The following ADGRL3 variants were observed in gnomAD, a reference collection of about 807,000 sequenced individuals.
The protein encoded by ADGRL3 is adhesion G protein-coupled receptor L3.
ADGRL3 carries 62 observed loss-of-function variants against 153.5 expected under a neutral mutation model. That is an observed-to-expected ratio of 0.40 (90% CI 0.33 to 0.50). The LOEUF is 0.50. ADGRL3 is among the 20% of genes least tolerant of loss of function. The probability of loss-of-function intolerance (pLI) is 0.47; values close to 1 mark genes in which losing one functional copy is unlikely to be tolerated. For missense variants in ADGRL3, 1,641 were observed against 1,859.4 expected (o/e 0.88, Z 2.16); for synonymous variants, 710 against 672.5 (o/e 1.06, Z -0.86).
chr4:61,907,735 A>C, intron 11 of ADGRL3, among the ~76,000 whole-genome samples: 1 of 152,112 alleles, frequency 6.6e-6, no homozygotes. Flanking sequence ...CTTAATTGCT[A>C]TATTTTGCAA....
At chr4:61,592,073 C>CA (rs34116654) in intron 5 of ADGRL3, among the ~76,000 whole-genome samples, 11,049 of 123,608 alleles carry the variant, frequency 0.089, 563 homozygotes, top group Non-Finnish European at 0.1. Flanking sequence ...GAAACTGCTT[C>CA]AAAAAAAAAA....
At chr4:62,018,593 A>G (rs1456679316) in intron 21 of ADGRL3, among the ~76,000 whole-genome samples, 3 of 151,590 alleles carry the variant, frequency 2.0e-5, no homozygotes, top group Non-Finnish European at 4.4e-5. Context: ...AGAAATGAGG[A>G]AGAGAGAGAG....
chr4:61,977,273 A>G (rs965165596), intron 17 of ADGRL3, among the ~76,000 whole-genome samples: 2 of 144,236 alleles, frequency 1.4e-5, no homozygotes, highest in African/African-American at 2.6e-5. Flanking sequence ...AGATGGTGTT[A>G]TACCTGCCAT....
chr4:61,401,254 T>C (rs1407735106), intron 2 of ADGRL3, among the ~76,000 whole-genome samples: 1 of 151,828 alleles, frequency 6.6e-6, no homozygotes, highest in Non-Finnish European at 1.5e-5. Flanking sequence ...ATTCAGGGTG[T>C]GGTAGAATAC....
rs576965309 is a variant in ADGRL3 at position 62,036,279 on chromosome 4, C to T, written c.3592-1452C>T. Among the ~76,000 whole-genome samples the T allele has an allele frequency of 9.7e-4, 148 of 151,884 alleles. 1 individual carries two copies. The highest frequency in any genetic ancestry group is 3.5e-3 in the African/African-American group (145 of 41,452). On this transcript the variant is annotated intron_variant, in intron 23 of 26. Transcript: ENST00000683033. ...GAGAATGCCTTTTTCTCCTCTTTTCCCCTGTCCTTTATTTCAACTTCACTC... is the reference window on the plus strand; with the variant it reads ...GAGAATGCCTTTTTCTCCTCTTTTCTCCTGTCCTTTATTTCAACTTCACTC...
At chr4:61,880,131 C>T (rs985000222) in intron 9 of ADGRL3, among the ~76,000 whole-genome samples, 1 of 152,158 alleles carries the variant, frequency 6.6e-6, no homozygotes, top group Non-Finnish European at 1.5e-5. Context: ...AGTCCTCAAC[C>T]TACAGACTAA....
chr4:61,287,683 T>C (rs1225106877), intron 1 of ADGRL3, among the ~76,000 whole-genome samples: 2 of 151,858 alleles, frequency 1.3e-5, no homozygotes, highest in Non-Finnish European at 2.9e-5. Context: ...AGTCCCAGGA[T>C]TCATATTATT....
intron 1 of ADGRL3, among the ~76,000 whole-genome samples, chr4:61,372,018 G>A (rs1050962918): frequency 6.6e-6 from 1 of 152,064 alleles, no homozygotes; most frequent in African/African-American, 2.4e-5. Flanking sequence ...CCAGTTGATG[G>A]TATCGGCTCC....
chr4:62,009,239 A>G (rs1036237737), intron 21 of ADGRL3, among the ~76,000 whole-genome samples: 1 of 152,204 alleles, frequency 6.6e-6, no homozygotes, highest in Admixed American at 6.6e-5. Flanking sequence ...TTTGTTGTGT[A>G]ATTTCATGAA....
At chr4:61,230,236 T>A (rs1263923947) in intron 1 of ADGRL3, among the ~76,000 whole-genome samples, 1 of 152,018 alleles carries the variant, frequency 6.6e-6, no homozygotes, top group Non-Finnish European at 1.5e-5. Flanking sequence ...ACATAGGGAG[T>A]GCTCCATGGC....
chr4:61,424,363 G>C (rs1415140980), intron 2 of ADGRL3, among the ~76,000 whole-genome samples: 1 of 152,082 alleles, frequency 6.6e-6, no homozygotes, highest in Non-Finnish European at 1.5e-5. Flanking sequence ...AGGCTGAGGG[G>C]GTCCTCTTAG....
intron 1 of ADGRL3, among the ~76,000 whole-genome samples, chr4:61,334,983 G>T (rs1043973774): frequency 1.3e-5 from 2 of 151,884 alleles, no homozygotes; most frequent in African/African-American, 4.8e-5. Context: ...AACAAAAGAA[G>T]AACTATAATC....
At chr4:62,002,909 G>A (rs2151119563) in intron 21 of ADGRL3, among the ~76,000 whole-genome samples, 1 of 152,234 alleles carries the variant, frequency 6.6e-6, no homozygotes, top group African/African-American at 2.4e-5. Flanking sequence ...CAGTATGGCT[G>A]AAGTACTATG....
chr4:61,771,746 G>A (rs879559093), intron 8 of ADGRL3, among the ~76,000 whole-genome samples: 2 of 150,786 alleles, frequency 1.3e-5, no homozygotes, highest in African/African-American at 2.5e-5. Flanking sequence ...AAACCAAAGG[G>A]GTATCTATTC....
Position 61,869,678 on chromosome 4 carries a change from G to A in ADGRL3, c.1481-22978G>A, listed in dbSNP as rs139875676. On this transcript the variant is annotated intron_variant, in intron 9 of 26. Transcript: ENST00000683033. ...TCACACTTTGGGATTCCAAAAGTGA[G>A]GAATAATCCCAACACTTTGGGAGGC... 2.2e-3 allele frequency among the ~76,000 whole-genome samples: 334 copies of A among 151,856 alleles called. 2 individuals are homozygous for A. Among genetic ancestry groups the A allele is most frequent in the African/African-American group, 7.8e-3 (325 of 41,436 alleles).
intron 2 of ADGRL3, among the ~76,000 whole-genome samples, chr4:61,475,494 A>G (rs1220972919): frequency 6.6e-6 from 1 of 152,196 alleles, no homozygotes; most frequent in African/African-American, 2.4e-5. Context: ...ATGGCAAGAT[A>G]TCTTCTATGA....
intron 4 of ADGRL3, among the ~76,000 whole-genome samples, chr4:61,540,690 G>A (rs1345483433): frequency 1.3e-5 from 2 of 152,154 alleles, no homozygotes; most frequent in African/African-American, 4.8e-5. Flanking sequence ...TACTTTTAGG[G>A]ACAATATTTG....
chr4:61,386,506 T>TTACA (rs2096737789), intron 2 of ADGRL3, among the ~76,000 whole-genome samples: 2 of 152,170 alleles, frequency 1.3e-5, no homozygotes, highest in Admixed American at 1.3e-4. Flanking sequence ...ACCTCTGGTT[T>TTACA]TGTTCAGCAG....
intron 1 of ADGRL3, among the ~76,000 whole-genome samples, chr4:61,228,773 A>C (rs1003396819): frequency 6.6e-6 from 1 of 152,152 alleles, no homozygotes; most frequent in African/African-American, 2.4e-5. Flanking sequence ...GCTCACTGCA[A>C]ACTCTACCTC....
Sources: allele counts gnomAD v4.1 joint callset (sites outside exome capture counted in the v4.1 genomes callset), GRCh38; gene constraint gnomAD v4.1.1; transcripts MANE v1.5; gene names NCBI Gene and HGNC (gene_info 2026-07-23, HGNC 2026-07-21).